Variants in ABCA1 observed in about 807,000 individuals in gnomAD.
The protein encoded by ABCA1 is phospholipid-transporting ATPase ABCA1.
ABCA1 carries 133 observed loss-of-function variants against 262.5 expected under a neutral mutation model. The ratio of observed to expected loss-of-function variants is 0.51; its 90% CI spans 0.44 to 0.59. The LOEUF (loss-of-function observed/expected upper bound fraction) is 0.59. Ranked by LOEUF, ABCA1 falls within the 20% of genes least tolerant of loss-of-function variation. ABCA1 has a pLI of 0.00. For missense variants in ABCA1, 2,452 were observed against 2,777.5 expected, an observed-to-expected ratio of 0.88 and a Z score of 2.63; for synonymous variants, 1,022 against 1,043.5, an observed-to-expected ratio of 0.98 and a Z score of 0.40.
At position 104,782,772 on chromosome 9, in the gene ABCA1, G is replaced by A. The variant is rs1376770783; in HGVS notation, c.*1543C>T. The A allele has an allele frequency of 2.6e-5, 4 of 151,638 alleles. No individual in the cohort carries two copies. Among genetic ancestry groups the A allele is most frequent in the Admixed American group, 2.6e-4 (4 of 15,208 alleles). 9.4% of individuals were successfully genotyped at this position (151,638 alleles called of 1,614,324 possible). ...TGTTTTTCAGCAAGTTTTCAAGCTA[G>A]CTGTTTTCCCTGTTGAAGAATTCAT... On this transcript the variant is annotated 3_prime_UTR_variant, in exon 50 of 50. Transcript: ENST00000374736.
intron 28 of ABCA1, among the ~76,000 whole-genome samples, chr9:104,811,165 A>C (rs1588268265): frequency 6.6e-6 from 1 of 152,376 alleles, no homozygotes; most frequent in East Asian, 1.9e-4. Context: ...GCCACCTGGC[A>C]GAGGCACTAA....
chr9:104,848,053 CAT>C (rs1290289997), intron 7 of ABCA1, among the ~76,000 whole-genome samples: 5 of 152,176 alleles, frequency 3.3e-5, no homozygotes, highest in African/African-American at 1.2e-4. Flanking sequence ...CACACACACA[CAT>C]ATACATCTTT....
chr9:104,837,527 A>G lies in ABCA1; in HGVS notation c.1095T>C (p.Ser365=). The G allele has an allele frequency of 6.2e-7, 1 of 1,614,178 alleles. No homozygotes were observed. The highest frequency in any genetic ancestry group is 2.2e-5 in the East Asian group (1 of 44,878). ...CTTTCCAGATAATGCGGGAAAGAGG[A>G]CTAGACTCCAAATTCTTCATCAAAT... ...CNDLMKNLES[S]PLSRIIWKAL... The change falls in exon 10 of 50, where the codon AGT becomes AGC. Residue 365 remains serine, a synonymous_variant. Coordinates refer to ENST00000374736, the MANE Select transcript of ABCA1 (RefSeq NM_005502.4).
chr9:104,812,703 C>G lies in ABCA1; in HGVS notation c.3921G>C (p.Leu1307Phe). The G allele has an allele frequency of 6.2e-7, 1 of 1,614,250 alleles. No homozygotes were observed. The highest frequency in any genetic ancestry group is 1.3e-5 in the African/African-American group (1 of 75,058). Residue 1307 changes from leucine (L) to phenylalanine (F), a missense_variant, in exon 28 of 50, where the codon TTG becomes TTC. Transcript: ENST00000374736. Reference sequence around the variant, plus strand: ...ACCCTTTGCCATCCATCCCACTGAGCAAGTCTGTCTCTCTGGATTCTGCAA... The same window carrying G: ...ACCCTTTGCCATCCATCCCACTGAGGAAGTCTGTCTCTCTGGATTCTGCAA... ...DIDPESRETD[L>F]LSGMDGKGSY...
intron 5 of ABCA1, among the ~76,000 whole-genome samples, chr9:104,880,335 C>T (rs1017166385): frequency 6.6e-6 from 1 of 151,944 alleles, no homozygotes; most frequent in African/African-American, 2.4e-5. Context: ...GAGTGCTATT[C>T]GCAATCAGCA....
intron 5 of ABCA1, among the ~76,000 whole-genome samples, chr9:104,867,282 G>A (rs918576052): frequency 2.6e-5 from 4 of 152,196 alleles, no homozygotes; most frequent in African/African-American, 9.6e-5. Context: ...GATGACAATG[G>A]CATCCACCTC....
chr9:104,832,520 C>T, intron 12 of ABCA1, 54 bp downstream of exon 12: 1 of 1,592,680 alleles, frequency 6.3e-7, no homozygotes, highest in Non-Finnish European at 8.6e-7. Flanking sequence ...ATTGTAACGT[C>T]TCAGAGAAAG....
chr9:104,805,692 A>G (rs1398723652), intron 31 of ABCA1, among the ~76,000 whole-genome samples: 1 of 152,266 alleles, frequency 6.6e-6, no homozygotes, highest in Admixed American at 6.5e-5. Context: ...ATTGGAAGCC[A>G]GGCCTGCCAC....
intron 2 of ABCA1, among the ~76,000 whole-genome samples, chr9:104,889,781 G>A (rs1201945266): frequency 2.0e-5 from 3 of 152,190 alleles, no homozygotes; most frequent in African/African-American, 7.2e-5. Flanking sequence ...ATGGGGCAGA[G>A]AAGAGGGCTC....
intron 19 of ABCA1, 51 bp downstream of exon 19, chr9:104,822,445 C>G (rs767553858): frequency 6.2e-7 from 1 of 1,609,316 alleles, no homozygotes; most frequent in African/African-American, 1.3e-5. Flanking sequence ...TCTAACTCTA[C>G]TGCAGAACCC....
At chr9:104,858,455 CAAG>C in intron 7 of ABCA1, 64 bp downstream of exon 7, 1 of 1,526,144 alleles carries the variant, frequency 6.6e-7, no homozygotes. Context: ...TCATGCTGTC[CAAG>C]GAAAAGCCTC....
At chr9:104,925,564 T>C (rs946062899) in intron 1 of ABCA1, among the ~76,000 whole-genome samples, 11 of 152,118 alleles carry the variant, frequency 7.2e-5, no homozygotes, top group African/African-American at 1.9e-4. Context: ...CTGACAACAG[T>C]AGCAATTCTA....
rs1363334686 is a variant in ABCA1 at position 104,817,714 on chromosome 9, C to T, written c.3463-310G>A. Among the ~76,000 whole-genome samples, 1 of 152,244 alleles carries T rather than the reference C, an allele frequency of 6.6e-6. No individual in the cohort carries two copies. Among genetic ancestry groups the T allele is most frequent in the Non-Finnish European group, 1.5e-5 (1 of 68,044 alleles). ...CTCAGGCAAGGCCTTTACCTGGCTA[C>T]ATGTCTAGTTCAATGCTTCTCATGC... On this transcript the variant is annotated intron_variant, in intron 23 of 49. Transcript: ENST00000374736. This position sits in a 1 kb window ranked among gnomAD's most constrained non-coding sequence, Gnocchi z 4.7.
chr9:104,846,840 A>G (rs77864495), intron 7 of ABCA1, among the ~76,000 whole-genome samples: 5 of 152,184 alleles, frequency 3.3e-5, no homozygotes, highest in Non-Finnish European at 7.4e-5. Context: ...AGAGGTGTTC[A>G]TGATTGTTCC....
intron 9 of ABCA1, among the ~76,000 whole-genome samples, chr9:104,837,839 G>A (rs934794432): frequency 9.9e-5 from 15 of 152,252 alleles, no homozygotes; most frequent in Admixed American, 5.9e-4. Context: ...TTATTATAAC[G>A]TCAATGACGG....
chr9:104,884,297 A>T, intron 4 of ABCA1, 130 bp downstream of exon 4: 2 of 1,189,396 alleles, frequency 1.7e-6, no homozygotes, highest in Non-Finnish European at 2.4e-6. Context: ...CATTCTGCAG[A>T]CTCTATCACA....
chr9:104,863,882 AC>A (rs1836842196), intron 5 of ABCA1, among the ~76,000 whole-genome samples: 1 of 152,218 alleles, frequency 6.6e-6, no homozygotes, highest in Non-Finnish European at 1.5e-5. Context: ...ACCTCAGAGC[AC>A]CTAAGCTTCA....
chr9:104,874,782 G>A lies in ABCA1; in HGVS notation c.421+8257C>T, dbSNP rs561881702. Among the ~76,000 whole-genome samples, 1,109 of 142,828 alleles carry A rather than the reference G, an allele frequency of 7.8e-3. 10 individuals are homozygous for A. Among genetic ancestry groups the A allele is most frequent in the South Asian group, 0.014 (66 of 4,590 alleles). The allele number at this position is 142,828 out of a possible 152,430, so 93.7% of individuals were successfully genotyped here. A position where few individuals can be genotyped will look rare whatever the true frequency, so the allele number is the denominator to read the frequency against. On this transcript the variant is annotated intron_variant, in intron 5 of 49. Transcript: ENST00000374736. The stretch of plus-strand genomic sequence containing the variant: ...CGCCCCGTCCGGGAGGGAGGTGGGG[G>A]GCAGCCCCCGCCCGGCCAGCCGCCC...
intron 25 of ABCA1, among the ~76,000 whole-genome samples, chr9:104,814,739 T>C (rs897731319): frequency 6.6e-6 from 1 of 152,238 alleles, no homozygotes; most frequent in East Asian, 1.9e-4. Flanking sequence ...CTCAGGCCTA[T>C]AATCCCAGCA....
Sources: allele counts gnomAD v4.1 joint callset (sites outside exome capture counted in the v4.1 genomes callset), GRCh38; gene constraint gnomAD v4.1.1; non-coding constraint Gnocchi (gnomAD v3.1); transcripts MANE v1.5; gene names NCBI Gene and HGNC (gene_info 2026-07-23, HGNC 2026-07-21).